Variants in PCDH15 observed in about 807,000 individuals in gnomAD.
PCDH15 encodes protocadherin related 15.
A neutral mutation model predicts 178.5 loss-of-function variants in PCDH15; 129 were observed. The observed-to-expected ratio is 0.72, with a 90% CI of 0.63 to 0.84. The LOEUF (loss-of-function observed/expected upper bound fraction) is 0.84. Ranked by LOEUF, PCDH15 falls within the 40% of genes least tolerant of loss-of-function variation. The pLI, the probability that PCDH15 is intolerant of heterozygous loss-of-function variation, is 0.00. For missense variants in PCDH15, 2,230 were observed against 2,099.9 expected (o/e 1.06, Z -1.21); for synonymous variants, 800 against 732.0 (o/e 1.09, Z -1.50).
chr10:53,992,974 G>A (rs2091626426), intron 21 of PCDH15, among the ~76,000 whole-genome samples: 5 of 152,126 alleles, frequency 3.3e-5, no homozygotes, highest in Admixed American at 2.6e-4. Flanking sequence ...CAGTTTCTCT[G>A]ATATTTCAAA....
intron 5 of PCDH15, among the ~76,000 whole-genome samples, chr10:54,363,866 A>G (rs1946416136): frequency 6.6e-6 from 1 of 151,870 alleles, no homozygotes; most frequent in Admixed American, 6.6e-5. Flanking sequence ...TGGATGGATT[A>G]CTTTTAAAAA....
chr10:54,951,794 C>T (rs1421879081), intron 2 of PCDH15, among the ~76,000 whole-genome samples: 1 of 151,708 alleles, frequency 6.6e-6, no homozygotes, highest in Non-Finnish European at 1.5e-5. Flanking sequence ...TTTGCAGTTC[C>T]CAAATGGCAT....
At chr10:53,979,685 A>G (rs1171215880) in intron 21 of PCDH15, among the ~76,000 whole-genome samples, 1 of 152,240 alleles carries the variant, frequency 6.6e-6, no homozygotes, top group Non-Finnish European at 1.5e-5. Flanking sequence ...AAATGTACAC[A>G]TAAAAACACA....
chr10:55,089,268 T>A (rs969955876), intron 2 of PCDH15, among the ~76,000 whole-genome samples: 8 of 152,240 alleles, frequency 5.3e-5, no homozygotes, highest in African/African-American at 1.7e-4. Flanking sequence ...TATAAAATAG[T>A]TTGTGAAAGG....
chr10:54,365,972 A>G (rs1194045171), intron 5 of PCDH15, among the ~76,000 whole-genome samples: 1 of 152,144 alleles, frequency 6.6e-6, no homozygotes, highest in Non-Finnish European at 1.5e-5. Flanking sequence ...TGATTATGAT[A>G]TAATACCATA....
At position 55,382,222 on chromosome 10, in the gene PCDH15, C is replaced by T. The variant is rs140290746; in HGVS notation, c.-155-215571G>A. ...CTTTATTATTTTTTTAATTCCTCTG[C>T]CTTGGTAGGCAGAATAATGGTCCCC... On this transcript the variant is annotated intron_variant, in intron 2 of 5. Transcript: ENST00000613346. Among the ~76,000 whole-genome samples the T allele has an allele frequency of 5.2e-3, 790 of 152,226 alleles. 3 individuals are homozygous for T. Among genetic ancestry groups the T allele is most frequent in the African/African-American group, 0.017 (716 of 41,520 alleles).
At chr10:55,320,429 G>A (rs1029890506), upstream of PCDH15, among the ~76,000 whole-genome samples, 10 of 151,202 alleles carry the variant, frequency 6.6e-5, no homozygotes, top group South Asian at 2.1e-4. Flanking sequence ...GCCTGCCAGC[G>A]CCCCAGTACA....
At chr10:54,561,773 C>A (rs2088193919) in intron 2 of PCDH15, among the ~76,000 whole-genome samples, 1 of 151,724 alleles carries the variant, frequency 6.6e-6, no homozygotes, top group Non-Finnish European at 1.5e-5. Context: ...CTTTAGTCAA[C>A]AATTCATTAA....
At chr10:55,404,978 A>C (rs1838161800) in intron 2 of PCDH15, among the ~76,000 whole-genome samples, 1 of 151,762 alleles carries the variant, frequency 6.6e-6, no homozygotes, top group African/African-American at 2.4e-5. Context: ...CTTACAGTTG[A>C]CCTTTAGAAA....
intron 3 of PCDH15, among the ~76,000 whole-genome samples, chr10:54,430,242 G>A (rs957128687): frequency 6.6e-6 from 1 of 151,662 alleles, no homozygotes; most frequent in Non-Finnish European, 1.5e-5. Context: ...TTTTAGTAGA[G>A]ACCGGGTTTC....
intron 16 of PCDH15, among the ~76,000 whole-genome samples, chr10:54,085,982 C>T (rs1286631664): frequency 6.6e-6 from 1 of 151,908 alleles, no homozygotes; most frequent in East Asian, 1.9e-4. Context: ...TAAAATATAA[C>T]CCAAATAGCA....
Position 55,427,392 on chromosome 10 carries a change from T to C in PCDH15, c.-156+200233A>G, listed in dbSNP as rs551958934. On this transcript the variant is annotated intron_variant, in intron 2 of 5. Transcript: ENST00000613346. ...TGTATTGAGTACTTAGTTTGCATGATATATCTATTACATTAAGATATAGTA... is the reference window on the plus strand; with the variant it reads ...TGTATTGAGTACTTAGTTTGCATGACATATCTATTACATTAAGATATAGTA... Among the ~76,000 whole-genome samples the C allele has an allele frequency of 5.8e-4, 88 of 152,338 alleles. 2 individuals carry two copies. In the South Asian group the frequency reaches 0.018, roughly 31 times the overall value.
chr10:54,472,775 C>T (rs1017148323), intron 3 of PCDH15, among the ~76,000 whole-genome samples: 1 of 151,994 alleles, frequency 6.6e-6, no homozygotes. Context: ...AAAATGGGAG[C>T]GAGCCTGGAA....
chr10:54,970,219 G>A (rs544992158), intron 2 of PCDH15, among the ~76,000 whole-genome samples: 3 of 152,108 alleles, frequency 2.0e-5, no homozygotes, highest in Admixed American at 6.5e-5. Flanking sequence ...CTCCAGAATT[G>A]TGAAAAATAA....
At chr10:54,462,808 G>A (rs1169308730) in intron 3 of PCDH15, among the ~76,000 whole-genome samples, 2 of 149,356 alleles carry the variant, frequency 1.3e-5, no homozygotes, top group African/African-American at 5.0e-5. Context: ...GGGATTACAG[G>A]TGTGAGCCAC....
At chr10:54,198,885 A>G (rs917755179) in intron 10 of PCDH15, among the ~76,000 whole-genome samples, 3 of 152,064 alleles carry the variant, frequency 2.0e-5, no homozygotes, top group Admixed American at 2.0e-4. Context: ...CCAAACACAC[A>G]CAATATATAG....
chr10:54,248,306 T>C (rs946730439), intron 8 of PCDH15, among the ~76,000 whole-genome samples: 2 of 152,024 alleles, frequency 1.3e-5, no homozygotes, highest in Non-Finnish European at 2.9e-5. Flanking sequence ...AAAATCGTAC[T>C]TAAAAATAAG....
chr10:54,455,402 G>T (rs1484548095), intron 3 of PCDH15, among the ~76,000 whole-genome samples: 1 of 152,076 alleles, frequency 6.6e-6, no homozygotes, highest in Non-Finnish European at 1.5e-5. Flanking sequence ...TGTGTTGAAC[G>T]GTTTTGACCA....
intron 1 of PCDH15, among the ~76,000 whole-genome samples, chr10:54,763,987 G>A (rs1348352928): frequency 2.0e-5 from 3 of 151,676 alleles, no homozygotes; most frequent in Non-Finnish European, 4.4e-5. Flanking sequence ...AAAGTAAAAA[G>A]GGATTTTTTT....
Sources: allele counts gnomAD v4.1 joint callset (sites outside exome capture counted in the v4.1 genomes callset), GRCh38; gene constraint gnomAD v4.1.1; transcripts MANE v1.5; gene names NCBI Gene and HGNC (gene_info 2026-07-23, HGNC 2026-07-21).